GATB: variants seen among roughly 807,000 people sequenced by gnomAD.
The protein encoded by GATB is glutamyl-tRNA(Gln) amidotransferase subunit B, mitochondrial.
A neutral mutation model predicts 62.3 loss-of-function variants in GATB; 39 were observed. The observed-to-expected ratio is 0.63, with a 90% CI of 0.48 to 0.82. The LOEUF (loss-of-function observed/expected upper bound fraction) is 0.82. Among genes scored for constraint, GATB ranks in the 40% least tolerant of loss-of-function variants. The pLI, the probability that GATB is intolerant of heterozygous loss-of-function variation, is 0.00. For synonymous variants in GATB, 276 were observed against 258.9 expected (o/e 1.07, Z -0.63); for missense variants, 670 against 684.0 (o/e 0.98, Z 0.23).
rs528099255 is a variant in GATB, at chr4:151,710,050, G to T, written c.764-1949C>A. 2.6e-5 allele frequency among the ~76,000 whole-genome samples: 4 copies of T among 152,134 alleles called. No homozygotes were observed. The East Asian group carries it at 7.7e-4, about 29-fold the overall frequency. ...CTCAAGGACTCACTTGAGTGTTACC[G>T]CCTCCTCCTAGAAGCCCTCCTCAGC... On this transcript the variant is annotated intron_variant, in intron 5 of 12. Transcript: ENST00000263985.
At chr4:151,687,235 T>C (rs896806181) in intron 10 of GATB, among the ~76,000 whole-genome samples, 2 of 152,198 alleles carry the variant, frequency 1.3e-5, no homozygotes, top group African/African-American at 2.4e-5. Context: ...TGCAGACTCA[T>C]AGATCTTGCC....
At chr4:151,672,973 G>A in intron 11 of GATB, 77 bp from the exon 12 acceptor site, 1 of 1,540,044 alleles carries the variant, frequency 6.5e-7, no homozygotes, top group Non-Finnish European at 8.9e-7. Context: ...GTGCTGTGCT[G>A]TGTGGAGCTG....
chr4:151,728,150 T>G (rs962012546), intron 2 of GATB, among the ~76,000 whole-genome samples: 1 of 152,198 alleles, frequency 6.6e-6, no homozygotes, highest in Non-Finnish European at 1.5e-5. Context: ...AAGCAAAAAT[T>G]TCCTGGATAA....
chr4:151,743,062 A>T (rs998486806), intron 2 of GATB, among the ~76,000 whole-genome samples: 5 of 152,260 alleles, frequency 3.3e-5, no homozygotes, highest in Non-Finnish European at 5.9e-5. Context: ...ACCTCAATGG[A>T]TATGTAAAAG....
chr4:151,713,303 T>C (rs1408498647), intron 5 of GATB, among the ~76,000 whole-genome samples: 2 of 152,174 alleles, frequency 1.3e-5, no homozygotes, highest in Admixed American at 6.5e-5. Flanking sequence ...ACTTGAATCA[T>C]CCTGAAACCA....
chr4:151,740,119 T>C (rs905004449), intron 2 of GATB, among the ~76,000 whole-genome samples: 4 of 152,266 alleles, frequency 2.6e-5, no homozygotes, highest in Admixed American at 2.0e-4. Flanking sequence ...CATTTCCATC[T>C]GTCTGACTTC....
At chr4:151,728,540 A>G (rs1269272859) in intron 2 of GATB, among the ~76,000 whole-genome samples, 4 of 152,192 alleles carry the variant, frequency 2.6e-5, no homozygotes, top group African/African-American at 9.7e-5. Context: ...AAAGTATATT[A>G]ATATTTAAAA....
Position 151,703,902 on chromosome 4 carries a change from T to C in GATB, c.963-7A>G. 1.3e-6 allele frequency: 2 copies of C among 1,599,484 alleles called. No individual in the cohort carries two copies. The highest frequency in any genetic ancestry group is 1.7e-6 in the Non-Finnish European group (2 of 1,167,194). ...TCTCATTGACATGGTGCACCTGCAA[T>C]AGTTAAATAAGAAAACATTAAACAT... On this transcript the variant is annotated splice_polypyrimidine_tract_variant and splice_region_variant and intron_variant, in intron 7 of 12. Transcript: ENST00000263985.
intron 5 of GATB, among the ~76,000 whole-genome samples, chr4:151,714,282 C>T (rs1282993699): frequency 6.6e-6 from 1 of 152,224 alleles, no homozygotes; most frequent in Non-Finnish European, 1.5e-5. Flanking sequence ...TCTTCAGTGT[C>T]ACCTCTTCAG....
Position 151,758,903 on chromosome 4 carries a change from C to G in GATB, c.196G>C (p.Val66Leu), listed in dbSNP as rs984111172. 3 of 1,609,162 alleles carry G rather than the reference C, an allele frequency of 1.9e-6. No homozygotes were observed. The African/African-American group carries it at 4.0e-5, about 22-fold the overall frequency. Residue 66 changes from valine to leucine, a missense_variant, in exon 2 of 13, where the codon GTG becomes CTG. Coordinates refer to ENST00000263985, the MANE Select transcript of GATB (RefSeq NM_004564.3). ...TRKGEHKWAAVVGLEIHAQIS... is the reference protein window; with the variant it reads ...TRKGEHKWAALVGLEIHAQIS... ...TGGGCATGAATTTCCAAACCTACCA[C>G]AGCAGCCCATTTGTGTTCACTAAGA...
intron 2 of GATB, chr4:151,724,574 C>G (rs1430621802): frequency 1.3e-5 from 2 of 152,296 alleles, no homozygotes; most frequent in African/African-American, 2.4e-5. Flanking sequence ...TCCAGTCCCC[C>G]TGACCACCAT....
chr4:151,740,062 G>A (rs1266804723), intron 2 of GATB, among the ~76,000 whole-genome samples: 4 of 152,190 alleles, frequency 2.6e-5, no homozygotes, highest in Admixed American at 6.5e-5. Context: ...TAAACATCAC[G>A]TTGCATTTTT....
At position 151,671,012 on chromosome 4, in the gene GATB, AG is replaced by A; in HGVS notation, c.*161del. The A allele has an allele frequency of 1.2e-6, 1 of 810,656 alleles. No individual in the cohort carries two copies. Among genetic ancestry groups the A allele is most frequent in the Non-Finnish European group, 2.0e-6 (1 of 508,228 alleles). 50.2% of individuals were successfully genotyped at this position (810,656 alleles called of 1,614,324 possible). ...GGAGGCACCTCCAGGCACAGGGCCTAGAGGGTGAGAACACTGGTGACATTAA... is the reference window on the plus strand; with the variant it reads ...GGAGGCACCTCCAGGCACAGGGCCTAAGGGTGAGAACACTGGTGACATTAA... On this transcript the variant is annotated 3_prime_UTR_variant, in exon 13 of 13. Coordinates refer to ENST00000263985, the MANE Select transcript of GATB (RefSeq NM_004564.3).
At chr4:151,739,182 G>A (rs561343949) in intron 2 of GATB, among the ~76,000 whole-genome samples, 336 of 152,256 alleles carry the variant, frequency 2.2e-3, no homozygotes, top group Non-Finnish European at 3.9e-3. Context: ...ATATTTTAAG[G>A]CTCCCAGAAG....
intron 2 of GATB, among the ~76,000 whole-genome samples, chr4:151,756,036 G>A (rs544817050): frequency 2.0e-4 from 31 of 152,224 alleles, no homozygotes; most frequent in Non-Finnish European, 4.1e-4. Flanking sequence ...CCAAAGAATA[G>A]GGCATGGGAA....
At chr4:151,674,556 A>G (rs554722817) in intron 11 of GATB, 1 of 152,354 alleles carries the variant, frequency 6.6e-6, no homozygotes, top group East Asian at 1.9e-4. Context: ...ACCAATGTTA[A>G]TATTTTGGTG....
intron 10 of GATB, among the ~76,000 whole-genome samples, chr4:151,685,393 G>C (rs180988216): frequency 6.6e-6 from 1 of 152,318 alleles, no homozygotes; most frequent in Admixed American, 6.5e-5. Context: ...ACACACTGCA[G>C]AGTGGGGCTC....
At chr4:151,750,510 C>G (rs961471831) in intron 2 of GATB, among the ~76,000 whole-genome samples, 2 of 152,014 alleles carry the variant, frequency 1.3e-5, no homozygotes, top group Non-Finnish European at 2.9e-5. Context: ...ACGTGGACTC[C>G]TAAGACTTGG....
rs1738906097 is a variant in GATB at position 151,716,036 on chromosome 4, G to A, written c.736C>T (p.Leu246=). 6.2e-7 allele frequency: 1 copy of A among 1,613,974 alleles called. No individual in the cohort carries two copies. ...GCCATGTTCGCCTGGCTGGTCCCCA[G>A]GGCTTGAAGGATCAGCTGCAGCTCC... is the stretch of plus-strand genomic sequence containing the variant. ...VRELQLILQA[L]GTSQANMAEG... Residue 246 remains leucine (L), a synonymous_variant, in exon 5 of 13, where the codon CTG becomes TTG. Coordinates refer to ENST00000263985, the MANE Select transcript of GATB (RefSeq NM_004564.3).
Sources: gnomAD v4.1 joint callset for allele counts (sites outside exome capture counted in the v4.1 genomes callset) on GRCh38, gnomAD v4.1.1 for gene constraint, MANE v1.5 for transcripts, NCBI Gene and HGNC (gene_info 2026-07-23, HGNC 2026-07-21) for gene names.